The following IL3RA variants were observed in gnomAD, a reference collection of about 807,000 sequenced individuals.
IL3RA encodes the protein interleukin-3 receptor subunit alpha.
IL3RA carries 73 observed loss-of-function variants against 52.3 expected under a neutral mutation model. The observed-to-expected ratio is 1.40, with a 90% CI of 1.16 to 1.70. IL3RA has a LOEUF of 1.70. Among genes scored for constraint, IL3RA ranks in the 40% most tolerant of loss-of-function variants. The probability of loss-of-function intolerance (pLI) is 0.00; values close to 1 mark genes in which losing one functional copy is unlikely to be tolerated. For synonymous variants in IL3RA, 260 were observed against 194.0 expected (o/e 1.34, Z -2.83); for missense variants, 664 against 504.4 (o/e 1.32, Z -3.03).
intron 3 of IL3RA, 85 bp downstream of exon 3, chrX:1,345,519 T>C: frequency 6.2e-6 from 6 of 960,068 alleles, no homozygotes; most frequent in Non-Finnish European, 8.6e-6. Context: ...AGACGGAGTC[T>C]TGCTCTGTCG....
Position 1,378,517 on chromosome X carries a change from G to C in IL3RA, c.875-142G>C, listed in dbSNP as rs1251547375. The C allele has an allele frequency of 4.4e-6, 3 of 678,394 alleles. No individual in the cohort carries two copies. The East Asian group carries it at 8.2e-5, about 19-fold the overall frequency. 42.0% of individuals were successfully genotyped at this position (678,394 alleles called of 1,614,324 possible). A position where few individuals can be genotyped will look rare whatever the true frequency, so the allele number is the denominator to read the frequency against. On this transcript the variant is annotated intron_variant, in intron 9 of 11. Transcript: ENST00000331035. ...AGGTGGTCACGGTCTCTGTGCAGGT[G>C]GCACTACTGGGGTGTCCCCCCCTGG...
In IL3RA at chrX:1,352,370, A is replaced by G. The variant is rs776461161; in HGVS notation, c.480A>G (p.Gly160=). The G allele has an allele frequency of 3.7e-6, 6 of 1,613,728 alleles. No individual in the cohort carries two copies. Among genetic ancestry groups the G allele is most frequent in the Non-Finnish European group, 5.1e-6 (6 of 1,179,848 alleles). ...ECLHYKTDAQ[G]TRIGCRFDDI... ...TTCACTACAAAACGGATGCTCAGGGAACACGTATCGGGTGTCGTTTCGATG... is the reference window on the plus strand; with the variant it reads ...TTCACTACAAAACGGATGCTCAGGGGACACGTATCGGGTGTCGTTTCGATG... Residue 160 remains glycine (G), a synonymous_variant, in exon 6 of 12, where the codon GGA becomes GGG. Transcript: ENST00000331035.
chrX:1,353,587 A>AT, intron 6 of IL3RA, among the ~76,000 whole-genome samples: 1 of 11,710 alleles, frequency 8.5e-5, no homozygotes, highest in Non-Finnish European at 1.7e-4. Context: ...CATGGGTTCC[A>AT]CATGGGATCC....
At chrX:1,361,617 G>T (rs1254091422) in intron 8 of IL3RA, among the ~76,000 whole-genome samples, 2 of 151,958 alleles carry the variant, frequency 1.3e-5, no homozygotes, top group African/African-American at 2.4e-5. Context: ...AGACGTGGTG[G>T]TGGCAGGCGC....
intron 8 of IL3RA, among the ~76,000 whole-genome samples, chrX:1,362,861 C>T (rs754018237): frequency 1.6e-4 from 24 of 152,030 alleles, no homozygotes; most frequent in South Asian, 6.2e-4. Flanking sequence ...CTGCAACCTC[C>T]GCCTCCCAGG....
chrX:1,362,442 G>C (rs2087515459), intron 8 of IL3RA, among the ~76,000 whole-genome samples: 2 of 140,690 alleles, frequency 1.4e-5, no homozygotes, highest in Non-Finnish European at 3.1e-5. Flanking sequence ...GTGTCTCTTT[G>C]TATCTCTGTC....
intron 3 of IL3RA, among the ~76,000 whole-genome samples, chrX:1,347,667 AG>A (rs1402099027): frequency 1.3e-5 from 2 of 151,780 alleles, no homozygotes; most frequent in Non-Finnish European, 2.9e-5. Flanking sequence ...AAAAAAACAA[AG>A]CAAAACAAAC....
At chrX:1,356,498 T>C (rs1178510699) in intron 7 of IL3RA, among the ~76,000 whole-genome samples, 162 bp downstream of exon 7, 2 of 151,944 alleles carry the variant, frequency 1.3e-5, no homozygotes, top group South Asian at 2.1e-4. Flanking sequence ...GGCCGGGCGC[T>C]GTGGCTCACG....
intron 10 of IL3RA, among the ~76,000 whole-genome samples, chrX:1,379,161 ATGAT>A (rs1391773069): frequency 7.1e-6 from 1 of 140,022 alleles, no homozygotes; most frequent in Non-Finnish European, 1.5e-5. Flanking sequence ...TATTATTGTT[ATGAT>A]TATTATTATT....
intron 1 of IL3RA, among the ~76,000 whole-genome samples, chrX:1,338,954 T>C (rs1285224950): frequency 1.3e-5 from 2 of 152,086 alleles, no homozygotes; most frequent in African/African-American, 4.8e-5. Context: ...CACCCGCAAC[T>C]ACGCCTGGCT....
chrX:1,345,080 AG>A (rs2085678616), intron 2 of IL3RA, among the ~76,000 whole-genome samples: 1 of 151,158 alleles, frequency 6.6e-6, no homozygotes, highest in South Asian at 2.1e-4. Flanking sequence ...GAGGCAGGAG[AG>A]TTGCTTGAAC....
At chrX:1,341,900 G>C (rs1382707801) in intron 2 of IL3RA, 71 bp downstream of exon 2, 17 of 1,513,264 alleles carry the variant, frequency 1.1e-5, no homozygotes, top group South Asian at 7.8e-5. Context: ...CAATGTCAGC[G>C]TGCCGTCCTT....
chrX:1,348,644 C>CTATT, intron 4 of IL3RA, 99 bp downstream of exon 4: 1 of 496,242 alleles, frequency 2.0e-6, no homozygotes, highest in Non-Finnish European at 3.4e-6. Flanking sequence ...TTTTCTTTTT[C>CTATT]TCTTTCTTTC....
intron 8 of IL3RA, among the ~76,000 whole-genome samples, chrX:1,363,309 T>G (rs1301455135): frequency 6.7e-6 from 1 of 149,476 alleles, no homozygotes; most frequent in Non-Finnish European, 1.5e-5. Flanking sequence ...CTTCTTTTTT[T>G]TTTTTTTTTG....
At position 1,382,671 on chromosome X, in the gene IL3RA, T is replaced by C; in HGVS notation, c.*206T>C. 1 of 175,380 alleles carries C rather than the reference T, an allele frequency of 5.7e-6. No individual in the cohort carries two copies. The highest frequency in any genetic ancestry group is 1.0e-5 in the Non-Finnish European group (1 of 100,110). The allele number at this position is 175,380 out of a possible 1,614,324, so 10.9% of individuals were successfully genotyped here. A position where few individuals can be genotyped will look rare whatever the true frequency, so the allele number is the denominator to read the frequency against. On this transcript the variant is annotated 3_prime_UTR_variant, in exon 12 of 12. Transcript: ENST00000331035. ...GTGTGTTTATTTCATGATAAAGTGA[T>C]TTTTTTTTTTTTAACCCACTCACTG...
intron 1 of IL3RA, among the ~76,000 whole-genome samples, chrX:1,339,608 A>G (rs1175741039): frequency 1.3e-5 from 2 of 152,094 alleles, no homozygotes; most frequent in African/African-American, 4.8e-5. Context: ...CCTGACCAAC[A>G]TGGTGAAACA....
intron 8 of IL3RA, among the ~76,000 whole-genome samples, chrX:1,359,957 C>A (rs1332188699): frequency 6.6e-6 from 1 of 150,826 alleles, no homozygotes; most frequent in Non-Finnish European, 1.5e-5. Flanking sequence ...TTCTCCGTGT[C>A]TGTCTCTGTA....
intron 6 of IL3RA, among the ~76,000 whole-genome samples, chrX:1,353,981 C>T (rs1326778286): frequency 7.2e-6 from 1 of 139,720 alleles, no homozygotes; most frequent in African/African-American, 2.8e-5. Context: ...CCCCCACCCC[C>T]ATCATGGGTC....
At chrX:1,379,011 T>G (rs1249367848) in intron 10 of IL3RA, among the ~76,000 whole-genome samples, 5 of 150,782 alleles carry the variant, frequency 3.3e-5, no homozygotes, top group African/African-American at 1.2e-4. Context: ...CCCAGCTAAT[T>G]TTTGTATTTT....
Sources: allele counts gnomAD v4.1 joint callset (sites outside exome capture counted in the v4.1 genomes callset), GRCh38; gene constraint gnomAD v4.1.1; transcripts MANE v1.5; gene names NCBI Gene and HGNC (gene_info 2026-07-23, HGNC 2026-07-21).